Variants in PLPPR1 observed in about 807,000 individuals in gnomAD.
PLPPR1 encodes phospholipid phosphatase related 1.
In PLPPR1, 10 loss-of-function variants were observed where a neutral mutation model predicts 33.1. The observed-to-expected ratio is 0.30, with a 90% CI of 0.19 to 0.51. The LOEUF (loss-of-function observed/expected upper bound fraction) is 0.51. Among genes scored for constraint, PLPPR1 ranks in the 20% least tolerant of loss-of-function variants. The pLI is 0.97. For synonymous variants in PLPPR1, 151 were observed against 151.0 expected, an observed-to-expected ratio of 1.00 and a Z score of 0.00; for missense variants, 304 against 408.1, an observed-to-expected ratio of 0.74 and a Z score of 2.20.
At chr9:101,132,110 G>A (rs1380606778) in intron 1 of PLPPR1, among the ~76,000 whole-genome samples, 2 of 152,198 alleles carry the variant, frequency 1.3e-5, no homozygotes, top group South Asian at 2.1e-4. Context: ...TAGTGACGTT[G>A]TAGTGGTTTT....
At position 101,061,389 on chromosome 9, in the gene PLPPR1, G is replaced by A. The variant is rs190264769; in HGVS notation, c.-46+32287G>A. On this transcript the variant is annotated intron_variant, in intron 1 of 7. Coordinates refer to ENST00000374874, the MANE Select transcript of PLPPR1 (RefSeq NM_207299.2). The stretch of plus-strand genomic sequence containing the variant: ...TTGCAAAATGCTCTGCAGTTTGTGT[G>A]TGTGTGTGAGAAAGAGAGGGACTTT... Among the ~76,000 whole-genome samples the A allele has an allele frequency of 1.4e-4, 21 of 152,086 alleles. No individual in the cohort carries two copies. In the East Asian group the frequency reaches 2.9e-3, roughly 21 times the overall value.
At chr9:101,303,083 TTCAAGCGA>T (rs1828782181) in intron 4 of PLPPR1, among the ~76,000 whole-genome samples, 1 of 151,742 alleles carries the variant, frequency 6.6e-6, no homozygotes, top group African/African-American at 2.4e-5. Context: ...GCCTCCCACG[TTCAAGCGA>T]TTCTCCTGCC....
chr9:101,106,564 C>G (rs1024621319), intron 1 of PLPPR1, among the ~76,000 whole-genome samples: 1 of 89,680 alleles, frequency 1.1e-5, no homozygotes, highest in Non-Finnish European at 2.1e-5. Context: ...CGACCTTTCT[C>G]TCTGGCTGCC....
intron 1 of PLPPR1, among the ~76,000 whole-genome samples, chr9:101,110,932 A>G (rs1475030949): frequency 6.6e-6 from 1 of 152,150 alleles, no homozygotes; most frequent in East Asian, 1.9e-4. Flanking sequence ...ATGGTCCCAT[A>G]AGATGTTCTT....
intron 2 of PLPPR1, among the ~76,000 whole-genome samples, chr9:101,204,250 G>T (rs542312736): frequency 6.6e-6 from 1 of 152,118 alleles, no homozygotes; most frequent in Non-Finnish European, 1.5e-5. Context: ...GATTTGTAGG[G>T]CTCACCTGCC....
At chr9:101,092,658 T>A (rs2118534719) in intron 1 of PLPPR1, among the ~76,000 whole-genome samples, 1 of 152,220 alleles carries the variant, frequency 6.6e-6, no homozygotes, top group South Asian at 2.1e-4. Context: ...AATTCCCATG[T>A]CCATGCTTAT....
intron 1 of PLPPR1, among the ~76,000 whole-genome samples, chr9:101,133,229 C>T (rs915023784): frequency 2.0e-5 from 3 of 152,082 alleles, no homozygotes; most frequent in Admixed American, 2.0e-4. Context: ...TGAAATTGAT[C>T]TTATACTTTA....
Position 101,141,063 on chromosome 9 carries a change from T to A in PLPPR1, c.-45-44387T>A, listed in dbSNP as rs1244255769. Among the ~76,000 whole-genome samples the A allele has an allele frequency of 2.0e-5, 3 of 148,134 alleles. No individual in the cohort carries two copies. The Admixed American group carries it at 2.1e-4, about 10-fold the overall frequency. ...TGGAAGAAAATATGACATTTCTGTA[T>A]AATTTAACTCTATGTAGGAGTGTCA... On this transcript the variant is annotated intron_variant, in intron 1 of 7. Transcript: ENST00000374874.
intron 2 of PLPPR1, among the ~76,000 whole-genome samples, chr9:101,197,174 T>C (rs1826412466): frequency 6.6e-6 from 1 of 152,180 alleles, no homozygotes; most frequent in Non-Finnish European, 1.5e-5. Flanking sequence ...ACCTTTTTCT[T>C]TGTCAATTTT....
intron 2 of PLPPR1, among the ~76,000 whole-genome samples, chr9:101,220,366 C>A (rs1826904370): frequency 2.0e-5 from 3 of 152,160 alleles, no homozygotes; most frequent in Admixed American, 1.3e-4. Flanking sequence ...TTATTAAATC[C>A]TTTCTTTCAG....
intron 1 of PLPPR1, among the ~76,000 whole-genome samples, chr9:101,132,672 A>G (rs1353794831): frequency 2.6e-5 from 4 of 152,154 alleles, no homozygotes; most frequent in Non-Finnish European, 2.9e-5. Flanking sequence ...GATGCTTATG[A>G]TGTGTCAGTG....
intron 1 of PLPPR1, among the ~76,000 whole-genome samples, chr9:101,134,911 A>G (rs551284238): frequency 6.6e-6 from 1 of 152,106 alleles, no homozygotes; most frequent in Non-Finnish European, 1.5e-5. Flanking sequence ...GGGGCTGGGT[A>G]TGGCTTATGG....
At chr9:101,143,043 C>T (rs1425255470) in intron 1 of PLPPR1, among the ~76,000 whole-genome samples, 1 of 151,872 alleles carries the variant, frequency 6.6e-6, no homozygotes, top group East Asian at 1.9e-4. Context: ...TTGGATGAGG[C>T]ACGGAGAAAG....
intron 4 of PLPPR1, among the ~76,000 whole-genome samples, chr9:101,293,015 G>A (rs1290162975): frequency 6.6e-6 from 1 of 152,020 alleles, no homozygotes. Flanking sequence ...CTGGCAAATT[G>A]GATAGAGTCA....
chr9:101,210,565 G>T (rs541912257), intron 2 of PLPPR1, among the ~76,000 whole-genome samples: 14 of 152,144 alleles, frequency 9.2e-5, no homozygotes, highest in African/African-American at 2.7e-4. Flanking sequence ...ATTTGGCCTT[G>T]CGTCATATGA....
intron 2 of PLPPR1, among the ~76,000 whole-genome samples, chr9:101,196,506 C>T (rs1324765036): frequency 6.6e-6 from 1 of 152,186 alleles, no homozygotes; most frequent in Non-Finnish European, 1.5e-5. Flanking sequence ...TACTAAACTA[C>T]AGAGTATTGG....
At chr9:101,302,878 A>G (rs1261799724) in intron 4 of PLPPR1, among the ~76,000 whole-genome samples, 3 of 152,256 alleles carry the variant, frequency 2.0e-5, no homozygotes, top group East Asian at 1.9e-4. Context: ...ATGTTCAAGT[A>G]TCCTCAATAT....
intron 4 of PLPPR1, among the ~76,000 whole-genome samples, chr9:101,293,566 C>T (rs1363635742): frequency 2.6e-5 from 4 of 152,096 alleles, no homozygotes; most frequent in African/African-American, 4.8e-5. Flanking sequence ...AAGCTCTCCT[C>T]AGCAAATGTA....
intron 4 of PLPPR1, among the ~76,000 whole-genome samples, chr9:101,306,107 G>T (rs1455783769): frequency 5.3e-5 from 8 of 151,860 alleles, no homozygotes; most frequent in African/African-American, 1.7e-4. Context: ...AATTTTTTTT[G>T]TCCTTCCAAG....
Sources: allele counts gnomAD v4.1 joint callset (sites outside exome capture counted in the v4.1 genomes callset), GRCh38; gene constraint gnomAD v4.1.1; transcripts MANE v1.5; gene names NCBI Gene and HGNC (gene_info 2026-07-23, HGNC 2026-07-21).